Variants in AR observed in about 807,000 individuals in gnomAD.
AR encodes dihydrotestosterone receptor.
AR carries 8 observed loss-of-function variants against 53.9 expected under a neutral mutation model. The ratio of observed to expected loss-of-function variants is 0.15; its 90% CI spans 0.09 to 0.27. The LOEUF (loss-of-function observed/expected upper bound fraction) is 0.27. Among genes scored for constraint, AR ranks in the 10% least tolerant of loss-of-function variants. AR has a pLI of 1.00. For missense variants in AR, 639 were observed against 742.5 expected, an observed-to-expected ratio of 0.86 and a Z score of 1.62; for synonymous variants, 359 against 316.4, an observed-to-expected ratio of 1.13 and a Z score of -1.43.
Position 67,717,738 on chromosome X carries a change from C to T in AR, c.2318+116C>T, listed in dbSNP as rs1471116686. The T allele has an allele frequency of 9.2e-5, 95 of 1,033,029 alleles. No individual in the cohort carries two copies. The East Asian group carries it at 3.0e-3, about 32-fold the overall frequency. The allele number at this position is 1,033,029 out of a possible 1,213,427, so 85.1% of individuals were successfully genotyped here. A position where few individuals can be genotyped will look rare whatever the true frequency, so the allele number is the denominator to read the frequency against. On this transcript the variant is annotated intron_variant, in intron 5 of 7. Transcript: ENST00000374690. Reference sequence around the variant, plus strand: ...TAGCTCATTTGATCTGCAGTTGTCGCAGCGGATGCCCCAGCCAGCCAATCC... The same window carrying T: ...TAGCTCATTTGATCTGCAGTTGTCGTAGCGGATGCCCCAGCCAGCCAATCC...
chrX:67,710,469 C>A (rs1330493277), intron 3 of AR, among the ~76,000 whole-genome samples: 1 of 110,647 alleles, frequency 9.0e-6, no homozygotes, highest in Non-Finnish European at 1.9e-5. Context: ...TACAGATGTG[C>A]ACCACCAGAC....
chrX:67,631,823 G>T (rs1173181698), intron 1 of AR, among the ~76,000 whole-genome samples: 2 of 112,019 alleles, frequency 1.8e-5, no homozygotes, highest in Non-Finnish European at 3.8e-5. Context: ...TTTTGGTGTG[G>T]ATGTCCTTTC....
intron 1 of AR, among the ~76,000 whole-genome samples, chrX:67,548,794 G>T (rs1254805728): frequency 2.7e-5 from 3 of 112,020 alleles, no homozygotes; most frequent in East Asian, 2.8e-4. Flanking sequence ...TATGAGGAAG[G>T]TTATCATATC....
chrX:67,717,447 C>A (rs764002397), intron 4 of AR, 31 bp from the exon 5 acceptor site: 1 of 1,209,026 alleles, frequency 8.3e-7, no homozygotes, highest in Non-Finnish European at 1.1e-6. Context: ...AGTACCCAGA[C>A]TGACCACTGC....
intron 3 of AR, among the ~76,000 whole-genome samples, chrX:67,694,052 G>T (rs2076008250): frequency 9.0e-6 from 1 of 111,504 alleles, no homozygotes; most frequent in Non-Finnish European, 1.9e-5. Flanking sequence ...GCCCAAGCTT[G>T]TGCAGTGAAG....
intron 1 of AR, among the ~76,000 whole-genome samples, chrX:67,605,073 T>C (rs947421935): frequency 3.6e-5 from 4 of 112,672 alleles, no homozygotes; most frequent in Non-Finnish European, 5.6e-5. Flanking sequence ...TTTACATTTC[T>C]CTTTGTTCTG....
At chrX:67,711,277 G>A in intron 3 of AR, 125 bp from the exon 4 acceptor site, 1 of 786,266 alleles carries the variant, frequency 1.3e-6, no homozygotes, top group Non-Finnish European at 1.9e-6. Flanking sequence ...TCCTTAAGGA[G>A]TTTAGAGTCT....
intron 2 of AR, among the ~76,000 whole-genome samples, chrX:67,678,892 A>T (rs974925641): frequency 8.9e-6 from 1 of 111,925 alleles, no homozygotes; most frequent in Non-Finnish European, 1.9e-5. Context: ...TGACTGAGCT[A>T]GGAAAAGAGA....
intron 2 of AR, 174 bp from the exon 3 acceptor site, chrX:67,685,836 A>T (rs1602255194): frequency 1.3e-5 from 9 of 697,324 alleles, no homozygotes; most frequent in Non-Finnish European, 1.9e-5. Flanking sequence ...GTGCCAAATT[A>T]AACTGTTTGA....
intron 1 of AR, among the ~76,000 whole-genome samples, chrX:67,618,425 G>A (rs1187627527): frequency 9.0e-6 from 1 of 111,229 alleles, no homozygotes. Flanking sequence ...AGATAACATT[G>A]TTGTTTTCAA....
chrX:67,678,992 T>A (rs753183442), intron 2 of AR, among the ~76,000 whole-genome samples: 1 of 111,418 alleles, frequency 9.0e-6, no homozygotes, highest in Non-Finnish European at 1.9e-5. Flanking sequence ...TTAATAATAA[T>A]GTATTATATG....
intron 1 of AR, among the ~76,000 whole-genome samples, chrX:67,564,565 A>G (rs1921473789): frequency 8.9e-6 from 1 of 111,804 alleles, no homozygotes; most frequent in African/African-American, 3.3e-5. Flanking sequence ...GTTTGTGTGC[A>G]TAGAGGTGTT....
At chrX:67,628,518 A>C (rs1924836889) in intron 1 of AR, among the ~76,000 whole-genome samples, 2 of 108,626 alleles carry the variant, frequency 1.8e-5, no homozygotes, top group South Asian at 8.4e-4. Flanking sequence ...GTTGCTTATC[A>C]GCTTAAGGAG....
intron 1 of AR, among the ~76,000 whole-genome samples, chrX:67,625,217 G>A (rs191709468): frequency 6.5e-4 from 72 of 110,895 alleles, no homozygotes; most frequent in African/African-American, 2.2e-3. Flanking sequence ...CAAAAGAAGC[G>A]TAAGACTTGT....
chrX:67,667,920 C>T (rs923626365), intron 2 of AR, among the ~76,000 whole-genome samples: 6 of 111,309 alleles, frequency 5.4e-5, no homozygotes, highest in African/African-American at 1.3e-4. Context: ...TTTTGTATCC[C>T]GCAACTTTAC....
intron 3 of AR, among the ~76,000 whole-genome samples, chrX:67,693,427 A>C (rs1253258227): frequency 8.9e-6 from 1 of 112,224 alleles, no homozygotes; most frequent in African/African-American, 3.2e-5. Context: ...AAAAAGCTTC[A>C]CTTTCGTTGG....
In AR at chrX:67,724,428, C is replaced by A. The variant is rs774795598; in HGVS notation, c.*587C>A. On this transcript the variant is annotated 3_prime_UTR_variant, in exon 8 of 8. Transcript: ENST00000374690. ...AAATCCCCAAAGAGGCCAATAGTGA[C>A]GAGAAGGTGAAAATTGCAGGCCCAT... is the stretch of plus-strand genomic sequence containing the variant. The A allele has an allele frequency of 5.8e-6, 1 of 173,632 alleles. No homozygotes were observed. The highest frequency in any genetic ancestry group is 7.9e-5 in the Admixed American group (1 of 12,600). 14.3% of individuals were successfully genotyped at this position (173,632 alleles called of 1,213,427 possible).
chrX:67,703,857 C>T (rs1306159554), intron 3 of AR, among the ~76,000 whole-genome samples: 4 of 111,125 alleles, frequency 3.6e-5, no homozygotes, highest in Admixed American at 1.9e-4. Context: ...CAGGTGTTCT[C>T]ATTGTTCAAT....
chrX:67,633,104 C>G (rs1406459928), intron 1 of AR, among the ~76,000 whole-genome samples: 1 of 112,107 alleles, frequency 8.9e-6, no homozygotes, highest in African/African-American at 3.2e-5. Flanking sequence ...GTCTGCAAGT[C>G]TTTAAAAAAT....
Sources: gnomAD v4.1 joint callset for allele counts (sites outside exome capture counted in the v4.1 genomes callset) on GRCh38, gnomAD v4.1.1 for gene constraint, MANE v1.5 for transcripts, NCBI Gene and HGNC (gene_info 2026-07-23, HGNC 2026-07-21) for gene names.